Variants in EXOC2 observed in about 807,000 individuals in gnomAD.
EXOC2 encodes the protein exocyst complex component 2, also known as SEC5-like 1.
Under a neutral mutation model 131.8 loss-of-function variants are expected in EXOC2, and 70 were observed. That is an observed-to-expected ratio of 0.53 (90% CI 0.44 to 0.65). EXOC2 has a LOEUF of 0.65. Ranked by LOEUF, EXOC2 falls within the 30% of genes least tolerant of loss-of-function variation. EXOC2 has a pLI of 0.00. For missense variants in EXOC2, 923 were observed against 1,108.6 expected (o/e 0.83, Z 2.38); for synonymous variants, 411 against 398.4 (o/e 1.03, Z -0.38).
intron 11 of EXOC2, among the ~76,000 whole-genome samples, chr6:580,566 A>G (rs182387662): frequency 1.3e-3 from 197 of 152,258 alleles, no homozygotes; most frequent in African/African-American, 4.4e-3. Context: ...TGAAAAGGTT[A>G]TAACTATGTT....
chr6:501,989 C>G (rs932278439), intron 23 of EXOC2, among the ~76,000 whole-genome samples: 1 of 152,114 alleles, frequency 6.6e-6, no homozygotes, highest in Middle Eastern at 3.2e-3. Flanking sequence ...GCCACACCCC[C>G]CGGTGTCCCC....
chr6:598,137 AAAG>A lies in EXOC2; in HGVS notation c.971-17_971-15del. ...CTTCAGCATAATCTATTTAAAAAGA[AAAG>A]AATACACAAGATTTACAGAATGAAA... is the stretch of plus-strand genomic sequence containing the variant. On this transcript the variant is annotated splice_polypyrimidine_tract_variant and intron_variant, in intron 9 of 27. Coordinates refer to ENST00000230449, the MANE Select transcript of EXOC2 (RefSeq NM_018303.6). 2 of 1,566,338 alleles carry A rather than the reference AAAG, an allele frequency of 1.3e-6. No individual in the cohort carries two copies. The highest frequency in any genetic ancestry group is 2.7e-5 in the African/African-American group (2 of 73,594).
chr6:690,694 C>T (rs541530432), intron 1 of EXOC2, among the ~76,000 whole-genome samples: 3 of 152,184 alleles, frequency 2.0e-5, no homozygotes, highest in African/African-American at 7.2e-5. Flanking sequence ...CAGGGTGAGA[C>T]TCTGTCTTTA....
At chr6:690,080 G>A (rs1488251503) in intron 1 of EXOC2, among the ~76,000 whole-genome samples, 1 of 152,236 alleles carries the variant, frequency 6.6e-6, no homozygotes, top group Non-Finnish European at 1.5e-5. Flanking sequence ...AGATCAGCCA[G>A]GCACAGTGGG....
At chr6:503,097 T>G (rs976591501) in intron 23 of EXOC2, among the ~76,000 whole-genome samples, 5 of 152,140 alleles carry the variant, frequency 3.3e-5, no homozygotes, top group African/African-American at 1.2e-4. Context: ...AAAACTTTAA[T>G]ATAAAAATAA....
At chr6:588,813 T>C (rs576061870) in intron 11 of EXOC2, among the ~76,000 whole-genome samples, 8 of 152,240 alleles carry the variant, frequency 5.3e-5, no homozygotes, top group Non-Finnish European at 7.4e-5. Context: ...CTTTTTTTTT[T>C]CCAAAACACT....
At chr6:635,530 G>A (rs1262846983) in intron 2 of EXOC2, among the ~76,000 whole-genome samples, 2 of 152,196 alleles carry the variant, frequency 1.3e-5, no homozygotes, top group East Asian at 3.9e-4. Context: ...TCTTAAGCAC[G>A]TTTGCTAAGC....
chr6:598,269 T>C (rs1441849349), intron 9 of EXOC2, 146 bp from the exon 10 acceptor site: 7 of 621,216 alleles, frequency 1.1e-5, no homozygotes, highest in African/African-American at 5.5e-5. Context: ...CTATCTCCGA[T>C]GTAGGTTACA....
intron 27 of EXOC2, among the ~76,000 whole-genome samples, chr6:487,256 C>T (rs1763124369): frequency 6.6e-6 from 1 of 152,134 alleles, no homozygotes; most frequent in African/African-American, 2.4e-5. Context: ...CCCTTCCTCT[C>T]ATTTTGTATT....
intron 6 of EXOC2, among the ~76,000 whole-genome samples, chr6:616,927 G>A (rs1026838810): frequency 4.0e-5 from 6 of 151,854 alleles, no homozygotes; most frequent in African/African-American, 1.5e-4. Flanking sequence ...TTTTAGTAGA[G>A]AGGGAGGAGG....
chr6:607,022 G>A (rs1194853111), intron 7 of EXOC2, among the ~76,000 whole-genome samples: 3 of 152,142 alleles, frequency 2.0e-5, no homozygotes, highest in African/African-American at 7.2e-5. Flanking sequence ...AGTGACTATC[G>A]CTGGTGGCCT....
intron 1 of EXOC2, among the ~76,000 whole-genome samples, chr6:685,869 CTTTTT>C (rs58892194): frequency 0.017 from 1,698 of 98,280 alleles, 50 homozygotes; most frequent in African/African-American, 0.064. Flanking sequence ...TCCTGGACCT[CTTTTT>C]TTTTTTTTTT....
At chr6:620,736 T>C (rs990405046) in intron 4 of EXOC2, among the ~76,000 whole-genome samples, 4 of 152,108 alleles carry the variant, frequency 2.6e-5, no homozygotes, top group African/African-American at 9.7e-5. Flanking sequence ...AAAGGTAACA[T>C]TTTTTTCTTC....
chr6:638,043 ACT>A (rs1417781172), intron 1 of EXOC2, among the ~76,000 whole-genome samples, 182 bp from the exon 2 acceptor site: 2 of 152,150 alleles, frequency 1.3e-5, no homozygotes, highest in Admixed American at 6.5e-5. Flanking sequence ...TACTAAGGAC[ACT>A]CTGGTTAGTA....
Position 553,913 on chromosome 6 carries a change from C to T in EXOC2, c.2062G>A (p.Val688Ile), listed in dbSNP as rs776712896. ...DADIDTTHLS[V>I]DVSSPDLFGS... ...AACAAGTCAGGGGAAGAAACATCAA[C>T]AGAGAGACTGAACATAGAAGCAAGT... Residue 688 changes from valine to isoleucine, a missense_variant, in exon 21 of 28, where the codon GTT (valine) becomes ATT (isoleucine). Val to Ile is a conservative substitution (Grantham distance 29). Transcript: ENST00000230449. 2 of 1,613,888 alleles carry T rather than the reference C, an allele frequency of 1.2e-6. No individual in the cohort carries two copies. The highest frequency in any genetic ancestry group is 1.7e-6 in the Non-Finnish European group (2 of 1,179,792).
At chr6:517,342 T>A in intron 23 of EXOC2, among the ~76,000 whole-genome samples, 1 of 150,998 alleles carries the variant, frequency 6.6e-6, no homozygotes, top group Admixed American at 6.6e-5. Flanking sequence ...ACAACTAAAT[T>A]AAAAAAAAAT....
At chr6:570,355 A>G (rs969804645) in intron 13 of EXOC2, among the ~76,000 whole-genome samples, 3 of 152,222 alleles carry the variant, frequency 2.0e-5, no homozygotes, top group South Asian at 2.1e-4. Flanking sequence ...GGATGATTTC[A>G]ATCTCCTGAC....
intron 1 of EXOC2, among the ~76,000 whole-genome samples, chr6:670,539 T>C (rs1449758085): frequency 2.6e-5 from 4 of 151,992 alleles, no homozygotes; most frequent in African/African-American, 9.7e-5. Context: ...TCTGTTCACA[T>C]AGGTTAAAGT....
intron 23 of EXOC2, among the ~76,000 whole-genome samples, chr6:513,264 C>T (rs936898330): frequency 4.6e-5 from 7 of 152,268 alleles, no homozygotes; most frequent in Non-Finnish European, 8.8e-5. Context: ...TGGTCACCCA[C>T]GGTTTACGTG....
Sources: allele counts gnomAD v4.1 joint callset (sites outside exome capture counted in the v4.1 genomes callset), GRCh38; gene constraint gnomAD v4.1.1; transcripts MANE v1.5; gene names NCBI Gene and HGNC (gene_info 2026-07-23, HGNC 2026-07-21).